ADRA1B: variants seen among roughly 807,000 people sequenced by gnomAD.
ADRA1B encodes the protein adrenoceptor alpha 1B.
ADRA1B carries 17 observed loss-of-function variants against 17.9 expected under a neutral mutation model. The observed-to-expected ratio is 0.95, with a 90% confidence interval of 0.65 to 1.42. The LOEUF is 1.42. Ranked by LOEUF, ADRA1B falls within the 40% of genes most tolerant of loss-of-function variation. The pLI, the probability that ADRA1B is intolerant of heterozygous loss-of-function variation, is 0.00. For missense variants in ADRA1B, 681 were observed against 722.1 expected, an observed-to-expected ratio of 0.94 and a Z score of 0.65; for synonymous variants, 366 against 327.6, an observed-to-expected ratio of 1.12 and a Z score of -1.27.
chr5:159,947,602 T>G, intron 1 of ADRA1B: 1 of 663,124 alleles, frequency 1.5e-6, no homozygotes, highest in East Asian at 1.4e-4. Context: ...TTTTACATTC[T>G]TTTTTTCAAT....
At chr5:159,911,714 C>T (rs1754229355), upstream of ADRA1B, among the ~76,000 whole-genome samples, 2 of 152,152 alleles carry the variant, frequency 1.3e-5, no homozygotes, top group Non-Finnish European at 2.9e-5. Context: ...GACCTGCTGC[C>T]TTTGGAGGTA....
chr5:159,882,983 G>A (rs1267648003), intron 1 of ADRA1B, among the ~76,000 whole-genome samples: 1 of 152,164 alleles, frequency 6.6e-6, no homozygotes, highest in East Asian at 1.9e-4. Flanking sequence ...CTAGGAGAGG[G>A]AGACAGACTG....
intron 1 of ADRA1B, among the ~76,000 whole-genome samples, chr5:159,892,979 C>A (rs1754002508): frequency 6.6e-6 from 1 of 152,202 alleles, no homozygotes; most frequent in East Asian, 1.9e-4. Flanking sequence ...TTTTTCTCCA[C>A]AACCTTGCCA....
chr5:159,967,605 G>A (rs180807762), intron 1 of ADRA1B, among the ~76,000 whole-genome samples: 2 of 152,270 alleles, frequency 1.3e-5, no homozygotes, highest in Admixed American at 1.3e-4. Context: ...CTCTTCTAAA[G>A]CTGAACAGCC....
downstream of ADRA1B, among the ~76,000 whole-genome samples, chr5:159,974,809 A>G (rs1328863785): frequency 2.0e-5 from 3 of 152,038 alleles, no homozygotes; most frequent in Admixed American, 6.6e-5. Flanking sequence ...CATGGTTTAT[A>G]TGCTCTGAAC....
chr5:159,892,681 TG>T (rs1490443213), intron 1 of ADRA1B, among the ~76,000 whole-genome samples: 1 of 152,252 alleles, frequency 6.6e-6, no homozygotes, highest in Admixed American at 6.5e-5. Flanking sequence ...CTTTTACGGC[TG>T]CATAGTATTC....
At chr5:159,942,527 A>C (rs1049507697) in intron 1 of ADRA1B, among the ~76,000 whole-genome samples, 11 of 152,176 alleles carry the variant, frequency 7.2e-5, no homozygotes, top group Admixed American at 7.2e-4. Context: ...AAGATCTTTA[A>C]GATAAATTGT....
At chr5:159,959,825 T>C (rs1755631457) in intron 1 of ADRA1B, among the ~76,000 whole-genome samples, 1 of 150,872 alleles carries the variant, frequency 6.6e-6, no homozygotes, top group Non-Finnish European at 1.5e-5. Context: ...AAAAAAACCA[T>C]TACAAAAAAA....
chr5:159,951,550 G>A (rs964805681), intron 1 of ADRA1B: 7 of 573,690 alleles, frequency 1.2e-5, no homozygotes, highest in Admixed American at 7.1e-5. Context: ...GCTGTCTGTC[G>A]AACGGGAGGA....
chr5:159,985,566 A>G, the ADRA1B span, among the ~76,000 whole-genome samples: 4 of 152,258 alleles, frequency 2.6e-5, no homozygotes, highest in African/African-American at 9.6e-5. Context: ...CTTTGTGTTC[A>G]GTGACATTGT....
At chr5:159,905,859 C>T (rs542310301) in intron 1 of ADRA1B, among the ~76,000 whole-genome samples, 3 of 128,690 alleles carry the variant, frequency 2.3e-5, no homozygotes, top group African/African-American at 5.4e-5. Context: ...AAAGTCAATG[C>T]CATTTTTTTT....
At chr5:159,905,861 A>ATTT (rs34796078) in intron 1 of ADRA1B, among the ~76,000 whole-genome samples, 21 of 146,754 alleles carry the variant, frequency 1.4e-4, no homozygotes, top group South Asian at 6.5e-4. Flanking sequence ...AGTCAATGCC[A>ATTT]TTTTTTTTTT....
At chr5:159,908,819 G>T (rs1452305946) in intron 1 of ADRA1B, among the ~76,000 whole-genome samples, 1 of 152,190 alleles carries the variant, frequency 6.6e-6, no homozygotes, top group African/African-American at 2.4e-5. Context: ...AAGAAAGCAG[G>T]CAATGCTTAC....
At chr5:159,953,957 G>A (rs959599838) in intron 1 of ADRA1B, among the ~76,000 whole-genome samples, 17 of 151,928 alleles carry the variant, frequency 1.1e-4, no homozygotes, top group Admixed American at 3.3e-4. Context: ...CTCTCTCCCC[G>A]GCTGCCTCTC....
rs746214759 is a variant in ADRA1B, at chr5:159,917,230, G to A, written c.325G>A (p.Gly109Ser). The change falls in exon 1 of 2, where the codon GGC (glycine) becomes AGC (serine). Residue 109 changes from glycine (G) to serine (S), a missense_variant. Physicochemically the swap from Gly to Ser is moderately conservative, Grantham distance 56 (BLOSUM62 0). Transcript: ENST00000306675. ...LPFSAALEVL[G>S]YWVLGRIFCD... ...CTTCTCAGCGGCCCTAGAGGTGCTC[G>A]GCTACTGGGTGCTGGGGCGGATCTT... 4 of 1,614,100 alleles carry A rather than the reference G, an allele frequency of 2.5e-6. No individual in the cohort carries two copies. The highest frequency in any genetic ancestry group is 3.3e-5 in the Admixed American group (2 of 60,026).
chr5:159,877,021 T>C (rs1024990195), intron 1 of ADRA1B, among the ~76,000 whole-genome samples: 1 of 152,120 alleles, frequency 6.6e-6, no homozygotes, highest in South Asian at 2.1e-4. Flanking sequence ...GGAGTTGCCT[T>C]TGAGAGCAGT....
At chr5:159,898,990 T>G (rs1199660778) in intron 1 of ADRA1B, among the ~76,000 whole-genome samples, 1 of 151,616 alleles carries the variant, frequency 6.6e-6, no homozygotes, top group Non-Finnish European at 1.5e-5. Context: ...CAAAAAAAAG[T>G]TTTTTAATTA....
intron 1 of ADRA1B, among the ~76,000 whole-genome samples, chr5:159,907,955 T>TCACACACA (rs371637793): frequency 0.021 from 3,093 of 146,996 alleles, 106 homozygotes; most frequent in African/African-American, 0.072. Flanking sequence ...TCTCTCTCTG[T>TCACACACA]CACACACACA....
chr5:159,869,064 G>C (rs1198824605), intron 1 of ADRA1B: 1 of 152,188 alleles, frequency 6.6e-6, no homozygotes, highest in Non-Finnish European at 1.5e-5. Flanking sequence ...ATATTGTAGA[G>C]AAAAACCAAC....
Sources: allele counts gnomAD v4.1 joint callset (sites outside exome capture counted in the v4.1 genomes callset), GRCh38; gene constraint gnomAD v4.1.1; transcripts MANE v1.5; gene names NCBI Gene and HGNC (gene_info 2026-07-23, HGNC 2026-07-21).